Variants in CFAP91 observed in about 807,000 individuals in gnomAD.
CFAP91 encodes cilia- and flagella-associated protein 91.
Under a neutral mutation model 95.9 loss-of-function variants are expected in CFAP91, and 85 were observed. The observed-to-expected ratio is 0.89, with a 90% CI of 0.74 to 1.06. The LOEUF (loss-of-function observed/expected upper bound fraction) is 1.06. Among genes scored for constraint, CFAP91 ranks in the 50% least tolerant of loss-of-function variants. CFAP91 has a pLI of 0.00. For synonymous variants in CFAP91, 335 were observed against 327.5 expected (o/e 1.02, Z -0.25); for missense variants, 962 against 943.4 (o/e 1.02, Z -0.26).
At chr3:119,759,474 G>A (rs1175464729) in intron 17 of CFAP91, among the ~76,000 whole-genome samples, 1 of 151,842 alleles carries the variant, frequency 6.6e-6, no homozygotes, top group Non-Finnish European at 1.5e-5. Flanking sequence ...AATTTATTAG[G>A]CTGCACATTG....
chr3:119,746,008 G>A (rs1025702664), intron 14 of CFAP91, among the ~76,000 whole-genome samples: 2 of 152,228 alleles, frequency 1.3e-5, no homozygotes, highest in African/African-American at 4.8e-5. Flanking sequence ...CTAAAAAGCT[G>A]ATAATCTGTT....
intron 17 of CFAP91, among the ~76,000 whole-genome samples, chr3:119,758,791 T>C (rs1330556850): frequency 1.3e-5 from 2 of 152,070 alleles, no homozygotes; most frequent in Non-Finnish European, 2.9e-5. Flanking sequence ...AAAAATCTCA[T>C]TTTCAAAGAT....
At position 119,709,913 on chromosome 3, in the gene CFAP91, G is replaced by T; in HGVS notation, c.500+18G>T. 1 of 1,577,422 alleles carries T rather than the reference G, an allele frequency of 6.3e-7. No homozygotes were observed. Among genetic ancestry groups the T allele is most frequent in the Non-Finnish European group, 8.7e-7 (1 of 1,148,460 alleles). On this transcript the variant is annotated intron_variant, in intron 5 of 17. Coordinates refer to ENST00000273390, the MANE Select transcript of CFAP91 (RefSeq NM_033364.4). Reference sequence around the variant, plus strand: ...GTATCCAAGTAAGTAACCATTATTTGAAAACTCTTTTTCAGTTTATTTATT... The same window carrying T: ...GTATCCAAGTAAGTAACCATTATTTTAAAACTCTTTTTCAGTTTATTTATT...
At chr3:119,762,810 A>C (rs908548383) in intron 17 of CFAP91, among the ~76,000 whole-genome samples, 2 of 152,106 alleles carry the variant, frequency 1.3e-5, no homozygotes, top group African/African-American at 4.8e-5. Context: ...CACCATATTC[A>C]AAACCCAACT....
intron 10 of CFAP91, among the ~76,000 whole-genome samples, chr3:119,736,142 A>G (rs1237675420): frequency 6.6e-6 from 1 of 152,082 alleles, no homozygotes; most frequent in Non-Finnish European, 1.5e-5. Flanking sequence ...CTGTGCAACC[A>G]TCACCACTAT....
chr3:119,708,511 C>G (rs969659918), intron 3 of CFAP91, 80 bp from the exon 4 acceptor site: 5 of 947,012 alleles, frequency 5.3e-6, no homozygotes, highest in Non-Finnish European at 8.3e-6. Context: ...AGGTCCTACT[C>G]TATACACATA....
At chr3:119,734,800 G>A (rs2053970312) in intron 10 of CFAP91, among the ~76,000 whole-genome samples, 1 of 152,148 alleles carries the variant, frequency 6.6e-6, no homozygotes, top group Non-Finnish European at 1.5e-5. Context: ...AAGTGAACTT[G>A]AGAATATTCC....
chr3:119,757,128 G>GA (rs1483961949), intron 17 of CFAP91, among the ~76,000 whole-genome samples: 4 of 152,054 alleles, frequency 2.6e-5, no homozygotes, highest in African/African-American at 9.7e-5. Flanking sequence ...CTTTAAGGCA[G>GA]AAAGTATTAG....
intron 6 of CFAP91, among the ~76,000 whole-genome samples, chr3:119,720,331 T>G (rs1451125466): frequency 6.7e-6 from 1 of 150,266 alleles, no homozygotes; most frequent in South Asian, 2.1e-4. Context: ...CGGGAGGCTC[T>G]GCTTGCAGTG....
chr3:119,721,206 A>G (rs1474323343), intron 6 of CFAP91, among the ~76,000 whole-genome samples: 1 of 152,268 alleles, frequency 6.6e-6, no homozygotes, highest in Non-Finnish European at 1.5e-5. Flanking sequence ...AAAGCCATTC[A>G]TGTAATTTAC....
At chr3:119,752,908 G>A (rs1045539172) in intron 17 of CFAP91, among the ~76,000 whole-genome samples, 9 of 152,108 alleles carry the variant, frequency 5.9e-5, no homozygotes, top group South Asian at 2.1e-4. Flanking sequence ...TTAAATGGTT[G>A]GAACATGAAG....
intron 6 of CFAP91, among the ~76,000 whole-genome samples, chr3:119,716,610 G>A (rs930608055): frequency 6.6e-5 from 10 of 151,752 alleles, no homozygotes; most frequent in Non-Finnish European, 1.0e-4. Flanking sequence ...TTTTTGAGAC[G>A]GAGTCTTACT....
At chr3:119,734,847 T>C (rs2053971179) in intron 10 of CFAP91, among the ~76,000 whole-genome samples, 1 of 152,186 alleles carries the variant, frequency 6.6e-6, no homozygotes, top group Non-Finnish European at 1.5e-5. Flanking sequence ...TTAAATAAGA[T>C]TGGGATGATT....
chr3:119,724,331 G>A (rs1364857507), intron 6 of CFAP91, among the ~76,000 whole-genome samples: 2 of 152,110 alleles, frequency 1.3e-5, no homozygotes, highest in African/African-American at 2.4e-5. Flanking sequence ...TGGGAGAAGG[G>A]AATGGGGCTC....
intron 6 of CFAP91, among the ~76,000 whole-genome samples, chr3:119,720,396 C>CAAAA (rs34084407): frequency 1.5e-5 from 2 of 129,768 alleles, no homozygotes; most frequent in Admixed American, 7.6e-5. Context: ...GACTCTGTCT[C>CAAAA]AAAAAAAAAA....
chr3:119,734,398 A>G (rs886498007), intron 10 of CFAP91, among the ~76,000 whole-genome samples: 1 of 152,118 alleles, frequency 6.6e-6, no homozygotes, highest in Non-Finnish European at 1.5e-5. Context: ...CCCATCCTGA[A>G]TGCTGTGTTC....
At chr3:119,731,859 G>A (rs1433864797) in intron 8 of CFAP91, among the ~76,000 whole-genome samples, 1 of 152,188 alleles carries the variant, frequency 6.6e-6, no homozygotes, top group African/African-American at 2.4e-5. Flanking sequence ...ACAGTCTTTG[G>A]TTTATTTTGG....
chr3:119,742,167 G>A (rs939047293), intron 13 of CFAP91, among the ~76,000 whole-genome samples: 2 of 152,214 alleles, frequency 1.3e-5, no homozygotes, highest in African/African-American at 2.4e-5. Context: ...ATACATGTGA[G>A]TGAAATCGTG....
chr3:119,733,794 G>A (rs2053948063), intron 10 of CFAP91, among the ~76,000 whole-genome samples: 1 of 152,086 alleles, frequency 6.6e-6, no homozygotes, highest in African/African-American at 2.4e-5. Flanking sequence ...ATACTAAGGT[G>A]TAGCAAGTTT....
Sources: allele counts gnomAD v4.1 joint callset (sites outside exome capture counted in the v4.1 genomes callset), GRCh38; gene constraint gnomAD v4.1.1; transcripts MANE v1.5; gene names NCBI Gene and HGNC (gene_info 2026-07-23, HGNC 2026-07-21).